Variants in TRIM77 observed in about 807,000 individuals in gnomAD.
The protein encoded by TRIM77 is tripartite motif-containing protein 77.
TRIM77 carries 23 observed loss-of-function variants against 31.8 expected under a neutral mutation model. The observed-to-expected ratio is 0.72, with a 90% CI of 0.52 to 1.02. The LOEUF (loss-of-function observed/expected upper bound fraction) is 1.02. TRIM77 is among the 50% of genes least tolerant of loss of function. The pLI is 0.00. For synonymous variants in TRIM77, 159 were observed against 183.1 expected (o/e 0.87, Z 1.06); for missense variants, 446 against 539.2 (o/e 0.83, Z 1.71).
At chr11:89,713,654 C>G (rs1949140074) in intron 2 of TRIM77, among the ~76,000 whole-genome samples, 1 of 151,754 alleles carries the variant, frequency 6.6e-6, no homozygotes, top group African/African-American at 2.4e-5. Context: ...GACAGGAAGA[C>G]AGACGCAGGC....
Position 89,714,314 on chromosome 11 carries a change from G to A in TRIM77, c.630G>A (p.Gln210=). 6.4e-7 allele frequency: 1 copy of A among 1,551,690 alleles called. No homozygotes were observed. Among genetic ancestry groups the A allele is most frequent in the Non-Finnish European group, 8.7e-7 (1 of 1,146,978 alleles). The change falls in exon 3 of 6, where the codon CAG becomes CAA. Residue 210 remains glutamine, a synonymous_variant. Coordinates refer to ENST00000398290, the MANE Select transcript of TRIM77 (RefSeq NM_001146162.1). ...SLAREGRIIF[Q]QLKRSQTRMA... is the part of the protein sequence containing the mutation. ...CAAGAGAAGGCAGGATAATTTTTCA[G>A]CAACTCAAGAGAAGTCAAACTAGAA...
intron 4 of TRIM77, among the ~76,000 whole-genome samples, chr11:89,715,455 T>C (rs1949154259): frequency 6.6e-6 from 1 of 152,158 alleles, no homozygotes; most frequent in Non-Finnish European, 1.5e-5. Context: ...TATTCCAGGT[T>C]GTCAATGGGA....
chr11:89,714,147 A>G, intron 2 of TRIM77, 45 bp from the exon 3 acceptor site: 2 of 1,345,112 alleles, frequency 1.5e-6, no homozygotes, highest in Non-Finnish European at 2.0e-6. Flanking sequence ...AGGAAAGAAT[A>G]AAACCACTTA....
chr11:89,714,080 A>G (rs1409093452), intron 2 of TRIM77, 112 bp from the exon 3 acceptor site: 1 of 700,872 alleles, frequency 1.4e-6, no homozygotes, highest in Non-Finnish European at 2.4e-6. Context: ...GTGGAAAAGC[A>G]TTAAACTATA....
At chr11:89,715,860 G>A (rs1366146471) in intron 4 of TRIM77, 30 bp from the exon 5 acceptor site, 18 of 1,441,212 alleles carry the variant, frequency 1.2e-5, no homozygotes, top group Admixed American at 2.1e-5. Flanking sequence ...TTTGGGACTG[G>A]TAATTAAAAG....
intron 4 of TRIM77, among the ~76,000 whole-genome samples, chr11:89,715,672 T>C (rs1181589498): frequency 6.6e-6 from 1 of 152,186 alleles, no homozygotes; most frequent in Non-Finnish European, 1.5e-5. Flanking sequence ...TGAGAACTGA[T>C]ATAATTATGA....
intron 5 of TRIM77, among the ~76,000 whole-genome samples, chr11:89,716,984 A>C (rs186104411): frequency 1.5e-5 from 2 of 134,494 alleles, no homozygotes; most frequent in Admixed American, 1.5e-4. Context: ...GACATCCTAC[A>C]TCTCTGTTTT....
chr11:89,714,582 C>T (rs1356983267), intron 3 of TRIM77, among the ~76,000 whole-genome samples, 160 bp downstream of exon 3: 1 of 152,120 alleles, frequency 6.6e-6, no homozygotes, highest in Non-Finnish European at 1.5e-5. Flanking sequence ...CCTCTGTAGA[C>T]CCGGTCTCAC....
chr11:89,714,517 C>A, intron 3 of TRIM77, 95 bp downstream of exon 3: 1 of 907,610 alleles, frequency 1.1e-6, no homozygotes, highest in African/African-American at 1.7e-5. Flanking sequence ...ATTACTTTTC[C>A]GGTTCCAAAT....
chr11:89,710,773 G>C, intron 1 of TRIM77, 64 bp downstream of exon 1: 1 of 1,237,030 alleles, frequency 8.1e-7, no homozygotes, highest in South Asian at 1.6e-5. Flanking sequence ...AGGTAATACG[G>C]AAAGATATAC....
chr11:89,716,156 A>C (rs1949159628), intron 5 of TRIM77, among the ~76,000 whole-genome samples, 169 bp downstream of exon 5: 1 of 152,188 alleles, frequency 6.6e-6, no homozygotes, highest in East Asian at 1.9e-4. Flanking sequence ...ATAAACTTTC[A>C]GGAAAAGCTA....
Position 89,712,989 on chromosome 11 carries a change from T to G in TRIM77, c.508-1203T>G, listed in dbSNP as rs555278519. ...AAGGGAAAAACTGTGAAAAAGTAAT[T>G]GAGGTCCGGCGCGATGGCTCATGCC... On this transcript the variant is annotated intron_variant, in intron 2 of 5. Transcript: ENST00000398290. Among the ~76,000 whole-genome samples, 4 of 152,116 alleles carry G rather than the reference T, an allele frequency of 2.6e-5. No individual in the cohort carries two copies. The East Asian group carries it at 7.7e-4, about 29-fold the overall frequency.
chr11:89,712,465 T>A (rs1326894487), intron 2 of TRIM77, among the ~76,000 whole-genome samples: 1 of 152,114 alleles, frequency 6.6e-6, no homozygotes, highest in Non-Finnish European at 1.5e-5. Flanking sequence ...TAATAAATAA[T>A]GTTCGTGAAG....
In TRIM77 at chr11:89,715,920, G is replaced by A. The variant is rs1473977524; in HGVS notation, c.792G>A (p.Gln264=). The change falls in exon 5 of 6, where the codon CAG becomes CAA. Residue 264 remains glutamine (Q), a synonymous_variant. Transcript: ENST00000398290. ...RNEFLRLAMP[Q]PVNPQLSAWT... ...AGTTTCTGAGGCTGGCCATGCCTCAGCCTGTGAACCCACAGCTCAGTGCAT... is the reference window on the plus strand; with the variant it reads ...AGTTTCTGAGGCTGGCCATGCCTCAACCTGTGAACCCACAGCTCAGTGCAT... 4.5e-6 allele frequency: 7 copies of A among 1,545,252 alleles called. No homozygotes were observed. The highest frequency in any genetic ancestry group is 6.1e-6 in the Non-Finnish European group (7 of 1,142,018).
rs2134547575 is a variant in TRIM77 at position 89,715,943 on chromosome 11, C to A, written c.815C>A (p.Ala272Glu). The stretch of plus-strand genomic sequence containing the variant: ...CAGCCTGTGAACCCACAGCTCAGTG[C>A]ATGGACCATCACTGGGGTGTCAGAA... ...MPQPVNPQLS[A>E]WTITGVSERL... is the part of the protein sequence containing the mutation. Residue 272 changes from alanine to glutamate, a missense_variant, in exon 5 of 6, where the codon GCA becomes GAA. Ala to Glu is a moderately radical substitution (Grantham distance 107, BLOSUM62 -1). Transcript: ENST00000398290. 2.6e-6 allele frequency: 4 copies of A among 1,548,660 alleles called. No homozygotes were observed. Among genetic ancestry groups the A allele is most frequent in the Non-Finnish European group, 3.5e-6 (4 of 1,144,728 alleles).
At chr11:89,711,833 T>TAA (rs979187244) in intron 2 of TRIM77, among the ~76,000 whole-genome samples, 1 of 151,044 alleles carries the variant, frequency 6.6e-6, no homozygotes, top group Admixed American at 6.6e-5. Flanking sequence ...CATGAAATGC[T>TAA]AAAAAAAAAT....
chr11:89,710,896 C>G (rs1374272616), intron 1 of TRIM77, among the ~76,000 whole-genome samples, 187 bp downstream of exon 1: 1 of 152,082 alleles, frequency 6.6e-6, no homozygotes, highest in Non-Finnish European at 1.5e-5. Context: ...ACCAAACATC[C>G]CTGCTCACCT....
chr11:89,716,210 T>G (rs114092394), intron 5 of TRIM77, among the ~76,000 whole-genome samples: 1,709 of 152,168 alleles, frequency 0.011, 25 homozygotes, highest in African/African-American at 0.015. Flanking sequence ...GTGCGTAACA[T>G]GATTATTTTA....
rs925271971 is a variant in TRIM77 at position 89,717,459 on chromosome 11, G to A, written c.940G>A (p.Asp314Asn). ...EDLRHLQCSL[D>N]DTDMSCNPTS... ...CCTAAGGCATTTGCAGTGCAGCCTTGATGATACAGACATGTCCTGTAATCC... is the reference window on the plus strand; with the variant it reads ...CCTAAGGCATTTGCAGTGCAGCCTTAATGATACAGACATGTCCTGTAATCC... Residue 314 changes from aspartate to asparagine, a missense_variant, in exon 6 of 6, where the codon GAT becomes AAT. Asp to Asn is a conservative substitution (Grantham distance 23). Around this residue, in one of 3 missense-constraint regions of TRIM77, gnomAD observed 366 missense variants for 447.9 expected, o/e 0.82. Transcript: ENST00000398290. 2.7e-5 allele frequency: 42 copies of A among 1,551,408 alleles called. No individual in the cohort carries two copies. The highest frequency in any genetic ancestry group is 3.1e-5 in the Non-Finnish European group (36 of 1,146,890).
Sources: allele counts gnomAD v4.1 joint callset (sites outside exome capture counted in the v4.1 genomes callset), GRCh38; gene constraint gnomAD v4.1.1; regional missense constraint gnomAD v4.1.1; transcripts MANE v1.5; gene names NCBI Gene and HGNC (gene_info 2026-07-23, HGNC 2026-07-21).